The following LINGO2 variants were observed in gnomAD, a reference collection of about 807,000 sequenced individuals.
The protein encoded by LINGO2 is leucine-rich repeat and immunoglobulin-like domain-containing nogo receptor-interacting protein 2.
Under a neutral mutation model 30.6 loss-of-function variants are expected in LINGO2, and 14 were observed. The observed-to-expected ratio is 0.46, with a 90% CI of 0.30 to 0.72. LINGO2 has a LOEUF of 0.72. LINGO2 is among the 30% of genes least tolerant of loss of function. The pLI is 0.07. For missense variants in LINGO2, 729 were observed against 751.7 expected, an observed-to-expected ratio of 0.97 and a Z score of 0.35; for synonymous variants, 317 against 288.5, an observed-to-expected ratio of 1.10 and a Z score of -1.00.
intron 4 of LINGO2, among the ~76,000 whole-genome samples, chr9:28,023,712 T>C (rs1319566725): frequency 1.3e-5 from 2 of 152,194 alleles, no homozygotes; most frequent in Admixed American, 1.3e-4. Flanking sequence ...TCTTGGCATA[T>C]TTCACAATGG....
At chr9:28,346,436 T>C (rs1819572396) in intron 3 of LINGO2, among the ~76,000 whole-genome samples, 2 of 152,166 alleles carry the variant, frequency 1.3e-5, no homozygotes. Context: ...TCCAGTCTAT[T>C]ATTGATGGGC....
the LINGO2 span, among the ~76,000 whole-genome samples, chr9:29,197,889 T>C: frequency 2.0e-5 from 3 of 152,118 alleles, no homozygotes; most frequent in Non-Finnish European, 2.9e-5. Flanking sequence ...TTTACTTAAG[T>C]ATCTTCAGTA....
intron 2 of LINGO2, among the ~76,000 whole-genome samples, chr9:28,431,353 A>G (rs1446209710): frequency 6.6e-6 from 1 of 152,148 alleles, no homozygotes; most frequent in Non-Finnish European, 1.5e-5. Flanking sequence ...TCATCTGCCT[A>G]GTGTCTGGCA....
At chr9:28,774,411 T>A in the LINGO2 span, among the ~76,000 whole-genome samples, 4 of 152,222 alleles carry the variant, frequency 2.6e-5, no homozygotes, top group African/African-American at 7.2e-5. Flanking sequence ...AAAAATCTCA[T>A]GCTTGTTTGC....
intron 2 of LINGO2, among the ~76,000 whole-genome samples, chr9:28,461,436 C>T (rs1025287309): frequency 6.6e-6 from 1 of 152,112 alleles, no homozygotes; most frequent in Non-Finnish European, 1.5e-5. Context: ...AATAGCAACA[C>T]ATTTTGTATC....
intron 1 of LINGO2, among the ~76,000 whole-genome samples, chr9:28,536,167 C>T (rs1286003044): frequency 6.6e-6 from 1 of 152,018 alleles, no homozygotes; most frequent in Non-Finnish European, 1.5e-5. Flanking sequence ...TACACATTGC[C>T]AATAAAATAT....
At chr9:28,511,588 A>G (rs1313583361) in intron 1 of LINGO2, among the ~76,000 whole-genome samples, 2 of 152,148 alleles carry the variant, frequency 1.3e-5, no homozygotes, top group Non-Finnish European at 2.9e-5. Context: ...ATCCTCCTCT[A>G]CTGAGGTCAC....
chr9:28,806,730 T>C, the LINGO2 span, among the ~76,000 whole-genome samples: 2 of 152,098 alleles, frequency 1.3e-5, no homozygotes, highest in African/African-American at 2.4e-5. Flanking sequence ...AATATAAAGA[T>C]AATGCTTTTC....
intron 3 of LINGO2, among the ~76,000 whole-genome samples, chr9:28,333,326 A>G (rs1242042161): frequency 6.6e-6 from 1 of 152,218 alleles, no homozygotes; most frequent in Non-Finnish European, 1.5e-5. Flanking sequence ...GAGACCTTTC[A>G]GTGTAAGGGT....
intron 3 of LINGO2, among the ~76,000 whole-genome samples, chr9:28,324,840 G>A (rs1370715699): frequency 4.6e-5 from 7 of 152,112 alleles, no homozygotes; most frequent in Admixed American, 1.3e-4. Context: ...CCACTGCTCT[G>A]CCTATAGAGT....
chr9:28,663,816 C>A (rs1448527972), intron 1 of LINGO2, among the ~76,000 whole-genome samples: 1 of 151,998 alleles, frequency 6.6e-6, no homozygotes, highest in African/African-American at 2.4e-5. Flanking sequence ...ACAAGTCTTG[C>A]ACTGCTGAAA....
the LINGO2 span, among the ~76,000 whole-genome samples, chr9:29,003,855 T>C: frequency 6.6e-6 from 1 of 152,038 alleles, no homozygotes; most frequent in African/African-American, 2.4e-5. Context: ...AGAATCTGTA[T>C]CACTAGATTT....
intron 4 of LINGO2, among the ~76,000 whole-genome samples, chr9:28,138,725 G>A (rs1827591585): frequency 6.6e-6 from 1 of 152,042 alleles, no homozygotes; most frequent in Non-Finnish European, 1.5e-5. Context: ...ATATTAACAA[G>A]CACATAAACT....
the LINGO2 span, among the ~76,000 whole-genome samples, chr9:29,011,610 G>A: frequency 0.035 from 5,257 of 152,102 alleles, 231 homozygotes; most frequent in African/African-American, 0.098. Flanking sequence ...TATCAATTTC[G>A]CAAAACATTA....
chr9:28,260,019 A>AT (rs981301909), intron 4 of LINGO2, among the ~76,000 whole-genome samples: 11 of 151,830 alleles, frequency 7.2e-5, no homozygotes, highest in Admixed American at 6.6e-4. Context: ...TGGACAACCC[A>AT]TTTTTAAGAT....
chr9:29,124,525 C>A, the LINGO2 span, among the ~76,000 whole-genome samples: 1 of 152,018 alleles, frequency 6.6e-6, no homozygotes, highest in Non-Finnish European at 1.5e-5. Context: ...TGACAAAGGG[C>A]TAATATCCAG....
chr9:29,058,906 G>A, the LINGO2 span, among the ~76,000 whole-genome samples: 2 of 151,762 alleles, frequency 1.3e-5, no homozygotes, highest in Non-Finnish European at 2.9e-5. Flanking sequence ...TCATACAATC[G>A]TGATGAATTC....
At chr9:27,963,903 A>C (rs1477634007) in intron 5 of LINGO2, among the ~76,000 whole-genome samples, 1 of 152,124 alleles carries the variant, frequency 6.6e-6, no homozygotes, top group African/African-American at 2.4e-5. Flanking sequence ...TTTTAAAACT[A>C]AAAGAAATCA....
At chr9:28,649,338 C>T (rs1827982867) in intron 1 of LINGO2, among the ~76,000 whole-genome samples, 1 of 126,010 alleles carries the variant, frequency 7.9e-6, no homozygotes, top group African/African-American at 3.6e-5. Flanking sequence ...AATGTTGCTC[C>T]CACTCAAACT....
Sources: gnomAD v4.1 joint callset for allele counts (sites outside exome capture counted in the v4.1 genomes callset) on GRCh38, gnomAD v4.1.1 for gene constraint, MANE v1.5 for transcripts, NCBI Gene and HGNC (gene_info 2026-07-23, HGNC 2026-07-21) for gene names.